The following AKT3 variants were observed in gnomAD, a reference collection of about 807,000 sequenced individuals.
AKT3 encodes the protein RAC-gamma serine/threonine-protein kinase.
A neutral mutation model predicts 65.3 loss-of-function variants in AKT3; 15 were observed. The ratio of observed to expected loss-of-function variants is 0.23; its 90% confidence interval spans 0.15 to 0.35. The LOEUF (loss-of-function observed/expected upper bound fraction) is 0.35, where lower values mean the gene tolerates loss of function less well. Among genes scored for constraint, AKT3 ranks in the 10% least tolerant of loss-of-function variants. The probability of loss-of-function intolerance (pLI) is 1.00; values close to 1 mark genes in which losing one functional copy is unlikely to be tolerated. For synonymous variants in AKT3, 206 were observed against 183.8 expected, an observed-to-expected ratio of 1.12 and a Z score of -0.98; for missense variants, 243 against 576.5, an observed-to-expected ratio of 0.42 and a Z score of 5.92.
intron 2 of AKT3, among the ~76,000 whole-genome samples, chr1:243,718,161 A>G (rs965224722): frequency 2.6e-5 from 4 of 152,138 alleles, no homozygotes; most frequent in African/African-American, 9.7e-5. Context: ...GTGGTCTCTT[A>G]CCATTTGTTT....
intron 2 of AKT3, among the ~76,000 whole-genome samples, chr1:243,790,072 T>G (rs561322365): frequency 1.3e-5 from 2 of 152,252 alleles, no homozygotes; most frequent in South Asian, 2.1e-4. Context: ...GGTCCTAGGA[T>G]TTTTGGAATG....
chr1:243,557,605 T>C (rs1673493341), intron 10 of AKT3, among the ~76,000 whole-genome samples: 1 of 151,926 alleles, frequency 6.6e-6, no homozygotes, highest in Non-Finnish European at 1.5e-5. Flanking sequence ...GAAAATCATA[T>C]AAAATAGCAA....
intron 3 of AKT3, among the ~76,000 whole-genome samples, chr1:243,693,242 TGATATA>T (rs1334183345): frequency 0.022 from 1,293 of 59,894 alleles, 233 homozygotes; most frequent in East Asian, 0.033. Context: ...AGCTACAATT[TGATATA>T]TATATATATA....
chr1:243,521,211 C>G (rs532824790), intron 12 of AKT3, among the ~76,000 whole-genome samples: 17 of 152,286 alleles, frequency 1.1e-4, no homozygotes, highest in Non-Finnish European at 7.4e-5. Context: ...GTTATTTCCA[C>G]CACTTTGTGT....
intron 2 of AKT3, among the ~76,000 whole-genome samples, chr1:243,798,207 CTTTTTT>C (rs59975727): frequency 1.0e-5 from 1 of 97,312 alleles, no homozygotes; most frequent in Non-Finnish European, 2.1e-5. Context: ...GTGCCAGGCC[CTTTTTT>C]TTTTTTTTTT....
chr1:243,515,552 A>T (rs1187038046), intron 12 of AKT3, among the ~76,000 whole-genome samples: 1 of 152,126 alleles, frequency 6.6e-6, no homozygotes, highest in Non-Finnish European at 1.5e-5. Context: ...TTGGTTTTGA[A>T]TGTTAAATCA....
intron 2 of AKT3, among the ~76,000 whole-genome samples, chr1:243,764,692 A>G (rs556230830): frequency 1.3e-5 from 2 of 152,222 alleles, no homozygotes; most frequent in Non-Finnish European, 1.5e-5. Context: ...TAAAACCAAA[A>G]AAGTCTATAT....
intron 2 of AKT3, among the ~76,000 whole-genome samples, chr1:243,761,651 C>A (rs1689497867): frequency 1.3e-5 from 2 of 151,930 alleles, no homozygotes; most frequent in Non-Finnish European, 2.9e-5. Flanking sequence ...TTGTATGATC[C>A]CACTCACATG....
chr1:243,515,992 T>A (rs796344193), intron 12 of AKT3, among the ~76,000 whole-genome samples: 33 of 148,984 alleles, frequency 2.2e-4, no homozygotes, highest in African/African-American at 7.8e-4. Context: ...AAAAAAAAAA[T>A]CTCTTGCATA....
intron 8 of AKT3, among the ~76,000 whole-genome samples, chr1:243,606,360 A>G (rs1677417672): frequency 6.6e-6 from 1 of 152,228 alleles, no homozygotes; most frequent in Middle Eastern, 3.2e-3. Context: ...TGACAGTGAT[A>G]TGGACAATAA....
intron 8 of AKT3, among the ~76,000 whole-genome samples, chr1:243,584,383 G>A (rs566962701): frequency 5.9e-5 from 9 of 152,156 alleles, no homozygotes; most frequent in African/African-American, 2.2e-4. Flanking sequence ...TCTATGTAAG[G>A]TACAAGGAAG....
rs147537287 is a variant in AKT3 at position 243,777,621 on chromosome 1, G to A, written c.46+65504C>T. 3.6e-4 allele frequency among the ~76,000 whole-genome samples: 55 copies of A among 152,216 alleles called. 1 individual carries two copies. Among genetic ancestry groups the A allele is most frequent in the Non-Finnish European group, 5.3e-4 (36 of 68,018 alleles). Reference sequence around the variant, plus strand: ...CTGCTTGAATGAGACATAATTCTAGGTTGAAGGGACTATCTGGTCAAAAAC... The same window carrying A: ...CTGCTTGAATGAGACATAATTCTAGATTGAAGGGACTATCTGGTCAAAAAC... On this transcript the variant is annotated intron_variant, in intron 2 of 13. Coordinates refer to ENST00000673466, the MANE Select transcript of AKT3 (RefSeq NM_005465.7).
intron 3 of AKT3, among the ~76,000 whole-genome samples, chr1:243,691,597 G>C (rs1190850978): frequency 6.6e-6 from 1 of 151,974 alleles, no homozygotes; most frequent in Admixed American, 6.6e-5. Flanking sequence ...GATTGGGAGT[G>C]GGGTAAAGAT....
chr1:243,788,167 G>A (rs1691383029), intron 2 of AKT3, among the ~76,000 whole-genome samples: 1 of 152,118 alleles, frequency 6.6e-6, no homozygotes, highest in Admixed American at 6.5e-5. Context: ...ATGGTACATG[G>A]ATGGTAAGCT....
chr1:243,701,475 G>A (rs992093907), intron 2 of AKT3, among the ~76,000 whole-genome samples: 4 of 151,992 alleles, frequency 2.6e-5, no homozygotes, highest in South Asian at 2.1e-4. Flanking sequence ...AAACACAATC[G>A]GGTAGATTCA....
intron 2 of AKT3, among the ~76,000 whole-genome samples, chr1:243,815,750 A>T (rs1693473459): frequency 7.2e-6 from 1 of 138,326 alleles, no homozygotes; most frequent in Non-Finnish European, 1.6e-5. Context: ...AGCTGGGACC[A>T]CAGGTGTGCA....
chr1:243,505,401 G>GT, intron 13 of AKT3, 67 bp from the exon 14 acceptor site: 1 of 1,399,954 alleles, frequency 7.1e-7, no homozygotes, highest in East Asian at 2.3e-5. Flanking sequence ...TCTAGTCTAT[G>GT]TTTTTTAAAC....
intron 5 of AKT3, 127 bp downstream of exon 5, chr1:243,645,766 A>G (rs1376278908): frequency 1.1e-6 from 1 of 944,628 alleles, no homozygotes. Flanking sequence ...ATTCATGTGA[A>G]TAAGACCCAC....
intron 6 of AKT3, among the ~76,000 whole-genome samples, chr1:243,632,978 G>T (rs556662344): frequency 6.6e-6 from 1 of 152,112 alleles, no homozygotes; most frequent in East Asian, 1.9e-4. Flanking sequence ...AAGACCACTC[G>T]AACTTTTTCC....
Sources: allele counts gnomAD v4.1 joint callset (sites outside exome capture counted in the v4.1 genomes callset), GRCh38; gene constraint gnomAD v4.1.1; transcripts MANE v1.5; gene names NCBI Gene and HGNC (gene_info 2026-07-23, HGNC 2026-07-21).